Variants in STRBP observed in about 807,000 individuals in gnomAD.
STRBP encodes the protein spermatid perinuclear RNA binding protein, also known as spermatid perinuclear RNA-binding protein.
A neutral mutation model predicts 80.1 loss-of-function variants in STRBP; 13 were observed. The ratio of observed to expected loss-of-function variants is 0.16; its 90% CI spans 0.11 to 0.26. STRBP has a LOEUF of 0.26. STRBP is among the 10% of genes least tolerant of loss of function. The probability of loss-of-function intolerance (pLI) is 1.00; values close to 1 mark genes in which losing one functional copy is unlikely to be tolerated. For synonymous variants in STRBP, 284 were observed against 291.2 expected (o/e 0.98, Z 0.25); for missense variants, 485 against 815.2 (o/e 0.59, Z 4.93).
At chr9:123,119,308 T>C (rs1280434520), downstream of STRBP, among the ~76,000 whole-genome samples, 1 of 151,910 alleles carries the variant, frequency 6.6e-6, no homozygotes, top group African/African-American at 2.4e-5. Flanking sequence ...ATTAATGCAC[T>C]GGTTGGACAC....
intron 1 of STRBP, among the ~76,000 whole-genome samples, chr9:123,246,737 A>G (rs1448063012): frequency 1.3e-5 from 2 of 152,218 alleles, no homozygotes; most frequent in Admixed American, 1.3e-4. Flanking sequence ...CAGCTATTCA[A>G]AGGAAAATTG....
At chr9:123,232,378 T>C (rs1210189987) in intron 2 of STRBP, among the ~76,000 whole-genome samples, 1 of 152,150 alleles carries the variant, frequency 6.6e-6, no homozygotes, top group African/African-American at 2.4e-5. Context: ...CCCTATTCCA[T>C]CTATTTCTAT....
Position 123,115,246 on chromosome 9 carries a change from G to C in STRBP, c.*84+683C>G, listed in dbSNP as rs1460729324. The C allele has an allele frequency of 1.3e-5, 6 of 471,054 alleles. No individual in the cohort carries two copies. The highest frequency in any genetic ancestry group is 2.3e-5 in the Admixed American group (1 of 42,572). 29.2% of individuals were successfully genotyped at this position (471,054 alleles called of 1,614,324 possible). On this transcript the variant is annotated intron_variant and NMD_transcript_variant, in intron 3 of 3. Transcript: ENST00000471564. The surrounding 1 kb of genome is among the most constrained non-coding windows in gnomAD (Gnocchi z 5.0). ...AGGCCCGCCTCTGACTCCCCTCCTG[G>C]GGATCCCGTCTGGCTCAGTGGGAAG... is the stretch of plus-strand genomic sequence containing the variant.
At chr9:123,206,094 C>G (rs2039504285) in intron 2 of STRBP, among the ~76,000 whole-genome samples, 1 of 152,128 alleles carries the variant, frequency 6.6e-6, no homozygotes. Context: ...GTGAACAAAC[C>G]TCAATTCTGA....
At chr9:123,183,166 G>A (rs1391849378) in intron 3 of STRBP, among the ~76,000 whole-genome samples, 4 of 151,936 alleles carry the variant, frequency 2.6e-5, no homozygotes, top group African/African-American at 7.2e-5. Flanking sequence ...GGCCAGGCAC[G>A]GTGGCTGATG....
rs141746261 is a variant in STRBP at position 123,228,534 on chromosome 9, G to A, written c.-165+8296C>T. On this transcript the variant is annotated intron_variant, in intron 2 of 18. Coordinates refer to ENST00000348403, the MANE Select transcript of STRBP (RefSeq NM_018387.5). Reference sequence around the variant, plus strand: ...GCCAAAAGTGAATAAAGTGTATTACGGAGGAATGAATAATTGTGTCAAATG... The same window carrying A: ...GCCAAAAGTGAATAAAGTGTATTACAGAGGAATGAATAATTGTGTCAAATG... 9.9e-5 allele frequency among the ~76,000 whole-genome samples: 15 copies of A among 152,272 alleles called. No individual in the cohort carries two copies. In the East Asian group the frequency reaches 1.9e-3, roughly 20 times the overall value.
At chr9:123,232,817 C>T (rs1283143939) in intron 2 of STRBP, among the ~76,000 whole-genome samples, 3 of 152,200 alleles carry the variant, frequency 2.0e-5, no homozygotes, top group Admixed American at 6.5e-5. Context: ...CACTGAATTC[C>T]TGCCCTCAGG....
In STRBP at chr9:123,179,131, T is replaced by C. The variant is rs2038347030; in HGVS notation, c.100A>G (p.Met34Val). 1 of 1,614,124 alleles carries C rather than the reference T, an allele frequency of 6.2e-7. No individual in the cohort carries two copies. The highest frequency in any genetic ancestry group is 8.5e-7 in the Non-Finnish European group (1 of 1,179,978). The stretch of plus-strand genomic sequence containing the variant: ...AGAGCACATTCAACAGTAGATACCA[T>C]ATTCTGAACAGCTTCAAGTTCCTCC... ...SPEELEAVQNMVSTVECALKH... is the reference protein window; with the variant it reads ...SPEELEAVQNVVSTVECALKH... Residue 34 changes from methionine to valine, a missense_variant, in exon 4 of 19, where the codon ATG becomes GTG. Physicochemically the swap from Met to Val is conservative, Grantham distance 21. This residue lies in a region of STRBP where 377 missense variants were observed against 616.1 expected (regional missense o/e 0.61). Transcript: ENST00000348403.
chr9:123,133,711 C>T (rs1353163735), intron 16 of STRBP, among the ~76,000 whole-genome samples: 2 of 151,752 alleles, frequency 1.3e-5, no homozygotes, highest in African/African-American at 2.4e-5. Flanking sequence ...GGCTAATTTT[C>T]GTATTTTTAG....
At chr9:123,187,501 T>C (rs147407093) in intron 2 of STRBP, among the ~76,000 whole-genome samples, 1 of 152,288 alleles carries the variant, frequency 6.6e-6, no homozygotes, top group African/African-American at 2.4e-5. Flanking sequence ...AATTTCCTAA[T>C]GTCAAATAGA....
chr9:123,185,361 G>A (rs2038653264), intron 2 of STRBP, among the ~76,000 whole-genome samples: 3 of 152,106 alleles, frequency 2.0e-5, no homozygotes, highest in Admixed American at 2.0e-4. Context: ...GAAGCCAGAA[G>A]TTCGAGACCA....
At chr9:123,112,357 A>G (rs700089) in intron 3 of STRBP, 130,860 of 167,170 alleles carry the variant, frequency 0.78, 54,946 homozygotes, top group Non-Finnish European at 0.95. Flanking sequence ...TCGCTGAATC[A>G]GCGCCTGTGG....
intron 1 of STRBP, among the ~76,000 whole-genome samples, chr9:123,255,525 T>A (rs909126966): frequency 5.9e-5 from 9 of 152,338 alleles, no homozygotes; most frequent in Admixed American, 3.3e-4. Flanking sequence ...CTGTAAGTTG[T>A]ATCAAGCTAC....
chr9:123,207,683 T>C (rs1377295762), intron 2 of STRBP, among the ~76,000 whole-genome samples: 2 of 152,116 alleles, frequency 1.3e-5, no homozygotes, highest in African/African-American at 2.4e-5. Flanking sequence ...TGTATACCTA[T>C]TCACAAACCT....
At chr9:123,172,148 C>A (rs942502644) in intron 5 of STRBP, among the ~76,000 whole-genome samples, 1 of 152,102 alleles carries the variant, frequency 6.6e-6, no homozygotes, top group Non-Finnish European at 1.5e-5. Context: ...TTCAATGCTG[C>A]AACATCTGAG....
intron 1 of STRBP, among the ~76,000 whole-genome samples, chr9:123,247,539 G>A (rs547254463): frequency 2.6e-5 from 4 of 152,264 alleles, no homozygotes; most frequent in Admixed American, 2.0e-4. Flanking sequence ...AAAGTGCTGG[G>A]ATTACAGGCA....
At chr9:123,172,990 T>C (rs138864564) in intron 5 of STRBP, among the ~76,000 whole-genome samples, 1 of 152,114 alleles carries the variant, frequency 6.6e-6, no homozygotes, top group African/African-American at 2.4e-5. Context: ...ACAATATGCA[T>C]CTGAAACTGA....
At chr9:123,205,782 G>A (rs779284092) in intron 2 of STRBP, among the ~76,000 whole-genome samples, 2 of 152,160 alleles carry the variant, frequency 1.3e-5, no homozygotes, top group Non-Finnish European at 2.9e-5. Flanking sequence ...CTCTGCCACA[G>A]TTGGAAACTG....
Position 123,123,267 on chromosome 9 carries a change from T to G in STRBP, c.*2330A>C, listed in dbSNP as rs971489569. 7.1e-6 allele frequency: 7 copies of G among 985,232 alleles called. No individual in the cohort carries two copies. In the Admixed American group the frequency reaches 3.1e-4, roughly 43 times the overall value. The allele number at this position is 985,232 out of a possible 1,614,324, so 61.0% of individuals were successfully genotyped here. On this transcript the variant is annotated 3_prime_UTR_variant, in exon 19 of 19. Coordinates refer to ENST00000348403, the MANE Select transcript of STRBP (RefSeq NM_018387.5). ...AAACTTCATGTTAATCTCAGGCAATTTGGTGAAGCCAAGAGCTTCATTTAT... is the reference window on the plus strand; with the variant it reads ...AAACTTCATGTTAATCTCAGGCAATGTGGTGAAGCCAAGAGCTTCATTTAT...
Sources: gnomAD v4.1 joint callset for allele counts (sites outside exome capture counted in the v4.1 genomes callset) on GRCh38, gnomAD v4.1.1 for gene constraint, gnomAD v4.1.1 regional missense constraint, Gnocchi (gnomAD v3.1) non-coding constraint, MANE v1.5 for transcripts, NCBI Gene and HGNC (gene_info 2026-07-23, HGNC 2026-07-21) for gene names.